ZNF407: variants seen among roughly 807,000 people sequenced by gnomAD.
ZNF407 encodes zinc finger protein 407.
ZNF407 carries 17 observed loss-of-function variants against 131.2 expected under a neutral mutation model. The ratio of observed to expected loss-of-function variants is 0.13; its 90% CI spans 0.09 to 0.19. ZNF407 has a LOEUF of 0.19. Ranked by LOEUF, ZNF407 falls within the 10% of genes least tolerant of loss-of-function variation. ZNF407 has a pLI of 1.00. For missense variants in ZNF407, 2,681 were observed against 2,830.6 expected, an observed-to-expected ratio of 0.95 and a Z score of 1.20; for synonymous variants, 1,156 against 1,062.0, an observed-to-expected ratio of 1.09 and a Z score of -1.72.
rs967911781 is a variant in ZNF407, at chr18:74,666,568, G to A, written c.4802+25446G>A. ...TTTGGATGGAACTATCCTTCAGTGA[G>A]TTCAGAATAGGCACACAGGAAGTAA... On this transcript the variant is annotated intron_variant, in intron 3 of 8. Coordinates refer to ENST00000299687, the MANE Select transcript of ZNF407 (RefSeq NM_017757.3). Among the ~76,000 whole-genome samples the A allele has an allele frequency of 2.6e-5, 4 of 152,308 alleles. No individual in the cohort carries two copies. In the South Asian group the frequency reaches 8.3e-4, roughly 32 times the overall value.
rs1394979854 is a variant in ZNF407, at chr18:74,634,838, A to T, written c.3819A>T (p.Glu1273Asp). 6.2e-7 allele frequency: 1 copy of T among 1,613,884 alleles called. No individual in the cohort carries two copies. Among genetic ancestry groups the T allele is most frequent in the South Asian group, 1.1e-5 (1 of 91,060 alleles). The change falls in exon 2 of 9, where the codon GAA becomes GAT. Residue 1273 changes from glutamate to aspartate, a missense_variant. Physicochemically the swap from Glu to Asp is conservative, Grantham distance 45 (BLOSUM62 2). Around this residue, in one of 6 missense-constraint regions of ZNF407, gnomAD observed 1,789 missense variants for 1,748.7 expected, o/e 1.02. Coordinates refer to ENST00000299687, the MANE Select transcript of ZNF407 (RefSeq NM_017757.3). ...PVLVVTRITR[E>D]QGNLESGGQN... is the part of the protein sequence containing the mutation. ...TCGTTGTGACAAGAATAACCAGAGA[A>T]CAGGGAAATCTGGAGAGCGGGGGTC...
At chr18:74,660,099 A>C (rs375556303) in intron 3 of ZNF407, among the ~76,000 whole-genome samples, 2 of 152,280 alleles carry the variant, frequency 1.3e-5, no homozygotes, top group African/African-American at 4.8e-5. Flanking sequence ...ATCAATGATC[A>C]GCATGGCCTC....
chr18:74,860,358 C>T (rs1970920527), intron 4 of ZNF407, among the ~76,000 whole-genome samples: 1 of 151,926 alleles, frequency 6.6e-6, no homozygotes, highest in Admixed American at 6.6e-5. Context: ...TCACCCAGAC[C>T]ACTTTGAATG....
intron 4 of ZNF407, among the ~76,000 whole-genome samples, chr18:74,826,057 C>T (rs1380109169): frequency 6.6e-6 from 1 of 152,172 alleles, no homozygotes. Context: ...TCTTGTCATT[C>T]AATAAATACC....
intron 4 of ZNF407, among the ~76,000 whole-genome samples, chr18:74,857,594 ATTAT>A (rs1159613273): frequency 6.6e-6 from 1 of 152,170 alleles, no homozygotes; most frequent in Non-Finnish European, 1.5e-5. Context: ...ATTGTCAGTA[ATTAT>A]TTAAGAAATA....
chr18:74,638,790 A>T (rs944285343), intron 2 of ZNF407, among the ~76,000 whole-genome samples: 6 of 152,218 alleles, frequency 3.9e-5, no homozygotes, highest in African/African-American at 1.4e-4. Context: ...CCTGAGAGAA[A>T]TATTTAGAGA....
At chr18:74,896,911 G>T in intron 7 of ZNF407, among the ~76,000 whole-genome samples, 1 of 152,076 alleles carries the variant, frequency 6.6e-6, no homozygotes, top group East Asian at 1.9e-4. Context: ...CTTCCTGAAT[G>T]AAATATTTCC....
chr18:74,733,474 G>T (rs1968340728), intron 3 of ZNF407, among the ~76,000 whole-genome samples: 1 of 151,994 alleles, frequency 6.6e-6, no homozygotes, highest in African/African-American at 2.4e-5. Context: ...TTTAAAAAAT[G>T]TTATTGCTAT....
chr18:74,753,011 G>T (rs1414203609), intron 3 of ZNF407, among the ~76,000 whole-genome samples: 1 of 152,176 alleles, frequency 6.6e-6, no homozygotes, highest in Non-Finnish European at 1.5e-5. Flanking sequence ...CCATGAGCAT[G>T]GAATGTCCTT....
At chr18:74,804,341 A>G in intron 4 of ZNF407, 5 of 1,074,830 alleles carry the variant, frequency 4.7e-6, no homozygotes, top group Non-Finnish European at 5.6e-6. Context: ...GGTTTATTTA[A>G]AGCTGACTGT....
chr18:74,769,222 T>C (rs891444555), intron 3 of ZNF407, among the ~76,000 whole-genome samples: 1 of 152,192 alleles, frequency 6.6e-6, no homozygotes, highest in Non-Finnish European at 1.5e-5. Flanking sequence ...GTGATATTCT[T>C]TTATGGCCTA....
chr18:74,611,426 T>A (rs1040378139), intron 1 of ZNF407, among the ~76,000 whole-genome samples: 1 of 152,146 alleles, frequency 6.6e-6, no homozygotes, highest in South Asian at 2.1e-4. Context: ...TACAAATCAG[T>A]AAGAACAACA....
intron 1 of ZNF407, among the ~76,000 whole-genome samples, chr18:74,609,557 A>C (rs1982964382): frequency 6.6e-6 from 1 of 152,214 alleles, no homozygotes; most frequent in African/African-American, 2.4e-5. Context: ...ACCATGATGG[A>C]GCTTGTGGGA....
At chr18:74,774,891 A>G (rs2145009676) in intron 3 of ZNF407, among the ~76,000 whole-genome samples, 1 of 152,292 alleles carries the variant, frequency 6.6e-6, no homozygotes, top group African/African-American at 2.4e-5. Flanking sequence ...AAGATGACCT[A>G]AAATAAAGAA....
chr18:74,995,270 A>G (rs1212872435), intron 8 of ZNF407, among the ~76,000 whole-genome samples: 2 of 152,232 alleles, frequency 1.3e-5, no homozygotes, highest in African/African-American at 4.8e-5. Flanking sequence ...CCTTAGGGCT[A>G]AAGGAGACCA....
Position 74,635,423 on chromosome 18 carries a change from C to T in ZNF407, c.4404C>T (p.His1468=). Residue 1468 remains histidine (H), a synonymous_variant, in exon 2 of 9, where the codon CAC becomes CAT. Coordinates refer to ENST00000299687, the MANE Select transcript of ZNF407 (RefSeq NM_017757.3). This position sits in a 1 kb window ranked among gnomAD's most constrained non-coding sequence, Gnocchi z 4.7. ...ACCAGCATCTGGCTAGTGCCGGCCA[C>T]ATGAGAAATGAGCAGGCCAGTGTGG... ...NLHQHLASAG[H]MRNEQASVEE... The T allele has an allele frequency of 6.2e-7, 1 of 1,613,738 alleles. No homozygotes were observed. Among genetic ancestry groups the T allele is most frequent in the East Asian group, 2.2e-5 (1 of 44,880 alleles).
intron 3 of ZNF407, among the ~76,000 whole-genome samples, chr18:74,764,493 C>G (rs1969183829): frequency 6.6e-6 from 1 of 152,224 alleles, no homozygotes; most frequent in South Asian, 2.1e-4. Flanking sequence ...GTGGATTCTA[C>G]CAACTGCTGG....
At chr18:74,968,925 C>T (rs1972440124) in intron 8 of ZNF407, among the ~76,000 whole-genome samples, 1 of 152,102 alleles carries the variant, frequency 6.6e-6, no homozygotes, top group African/African-American at 2.4e-5. Flanking sequence ...GTCATTGTCC[C>T]CATGTTCCCT....
At chr18:74,753,772 T>G (rs1401520761) in intron 3 of ZNF407, among the ~76,000 whole-genome samples, 1 of 152,220 alleles carries the variant, frequency 6.6e-6, no homozygotes, top group African/African-American at 2.4e-5. Context: ...TTATTGAGGA[T>G]TTTTGCATTG....
Sources: gnomAD v4.1 joint callset for allele counts (sites outside exome capture counted in the v4.1 genomes callset) on GRCh38, gnomAD v4.1.1 for gene constraint, gnomAD v4.1.1 regional missense constraint, Gnocchi (gnomAD v3.1) non-coding constraint, MANE v1.5 for transcripts, NCBI Gene and HGNC (gene_info 2026-07-23, HGNC 2026-07-21) for gene names.